The following RBM15B variants were observed in gnomAD, a reference collection of about 807,000 sequenced individuals.
RBM15B encodes putative RNA-binding protein 15B.
RBM15B carries 11 observed loss-of-function variants against 53.3 expected under a neutral mutation model. The ratio of observed to expected loss-of-function variants is 0.21; its 90% CI spans 0.13 to 0.34. The LOEUF (loss-of-function observed/expected upper bound fraction) is 0.34, where lower values mean the gene tolerates loss of function less well. Among genes scored for constraint, RBM15B ranks in the 10% least tolerant of loss-of-function variants. RBM15B has a pLI of 1.00. For synonymous variants in RBM15B, 631 were observed against 540.7 expected (o/e 1.17, Z -2.32); for missense variants, 1,136 against 1,250.3 (o/e 0.91, Z 1.38).
Position 51,391,556 on chromosome 3 carries a change from GCCCGCGACAAAC to G in RBM15B, c.164_175del (p.Asp55_Arg58del). The stretch of plus-strand genomic sequence containing the variant: ...CGCCAAGCACCCGGTTCCAGCGCGG[GCCCGCGACAAAC>G]CCCGCGGCAGCGGAAGCGGCGGGGG... On this transcript the variant is annotated inframe_deletion, in exon 1 of 1. Transcript: ENST00000563281. This position sits in a 1 kb window ranked among gnomAD's most constrained non-coding sequence, Gnocchi z 4.5. 1 of 1,179,710 alleles carries G rather than the reference GCCCGCGACAAAC, an allele frequency of 8.5e-7. No homozygotes were observed. 73.1% of individuals were successfully genotyped at this position (1,179,710 alleles called of 1,614,324 possible). A position where few individuals can be genotyped will look rare whatever the true frequency, so the allele number is the denominator to read the frequency against.
In RBM15B at chr3:51,394,080, C is replaced by G; in HGVS notation, c.*8C>G. ...GTCAGAGACACTGCCTAGCCCAAGC[C>G]TGTCTTTCCCAGCGTCATGTTTGTG... On this transcript the variant is annotated 3_prime_UTR_variant, in exon 1 of 1. Transcript: ENST00000563281. 1 of 1,415,718 alleles carries G rather than the reference C, an allele frequency of 7.1e-7. No individual in the cohort carries two copies. Among genetic ancestry groups the G allele is most frequent in the Non-Finnish European group, 9.3e-7 (1 of 1,080,698 alleles). 87.7% of individuals were successfully genotyped at this position (1,415,718 alleles called of 1,614,324 possible). A position where few individuals can be genotyped will look rare whatever the true frequency, so the allele number is the denominator to read the frequency against.
At position 51,391,287 on chromosome 3, in the gene RBM15B, G is replaced by C. The variant is rs1374618970; in HGVS notation, c.-113G>C. On this transcript the variant is annotated 5_prime_UTR_variant, in exon 1 of 1. Coordinates refer to ENST00000563281, the MANE Select transcript of RBM15B (RefSeq NM_013286.5). The surrounding 1 kb of genome is among the most constrained non-coding windows in gnomAD (Gnocchi z 4.5). Reference sequence around the variant, plus strand: ...CGCCCCGCCCCGCCGCCACCGCCGCGCCGAGTCCTTTTGTCCAAGATGGCG... The same window carrying C: ...CGCCCCGCCCCGCCGCCACCGCCGCCCCGAGTCCTTTTGTCCAAGATGGCG... 91 of 843,386 alleles carry C rather than the reference G, an allele frequency of 1.1e-4. No individual in the cohort carries two copies. Among genetic ancestry groups the C allele is most frequent in the Non-Finnish European group, 1.2e-4 (80 of 659,184 alleles). The allele number at this position is 843,386 out of a possible 1,614,324, so 52.2% of individuals were successfully genotyped here. A position where few individuals can be genotyped will look rare whatever the true frequency, so the allele number is the denominator to read the frequency against.
Position 51,393,236 on chromosome 3 carries a change from G to A in RBM15B, c.1837G>A (p.Glu613Lys). ...RGRTTHSPYE[E>K]RSRTKGSGQQ... ...GAGGACAACCCATTCACCATATGAG[G>A]AACGGAGTAGGACCAAGGGCAGTGG... Residue 613 changes from glutamate (E) to lysine (K), a missense_variant, in exon 1 of 1, where the codon GAA (glutamate) becomes AAA (lysine). By Grantham distance (56) the Glu-to-Lys change is moderately conservative. Coordinates refer to ENST00000563281, the MANE Select transcript of RBM15B (RefSeq NM_013286.5). This position sits in a 1 kb window ranked among gnomAD's most constrained non-coding sequence, Gnocchi z 5.6. The A allele has an allele frequency of 1.2e-6, 2 of 1,613,790 alleles. No homozygotes were observed. Among genetic ancestry groups the A allele is most frequent in the East Asian group, 2.2e-5 (1 of 44,860 alleles).
In RBM15B at chr3:51,391,512, C is replaced by T. The variant is rs1313315350; in HGVS notation, c.113C>T (p.Ala38Val). 4.1e-6 allele frequency: 5 copies of T among 1,205,508 alleles called. No individual in the cohort carries two copies. Among genetic ancestry groups the T allele is most frequent in the East Asian group, 7.2e-5 (2 of 27,898 alleles). The allele number at this position is 1,205,508 out of a possible 1,614,324, so 74.7% of individuals were successfully genotyped here. Residue 38 changes from alanine (A) to valine (V), a missense_variant, in exon 1 of 1, where the codon GCG becomes GTG. By Grantham distance (64) the Ala-to-Val change is moderately conservative. This residue lies in a region of RBM15B where 257 missense variants were observed against 261.1 expected (regional missense o/e 0.98). Transcript: ENST00000563281. This position sits in a 1 kb window ranked among gnomAD's most constrained non-coding sequence, Gnocchi z 4.5. ...REAEAGGRRA[A>V]HKASGGAKHP... ...GCGGAGGCGGGCGGGCGGCGGGCGG[C>T]GCACAAGGCCTCTGGCGGCGCCAAG...
Position 51,395,865 on chromosome 3 carries a change from AAGACATG to A in RBM15B, c.*1794_*1800del, listed in dbSNP as rs1559458444. 2.4e-6 allele frequency: 1 copy of A among 413,400 alleles called. No individual in the cohort carries two copies. Among genetic ancestry groups the A allele is most frequent in the African/African-American group, 2.1e-5 (1 of 48,618 alleles). 25.6% of individuals were successfully genotyped at this position (413,400 alleles called of 1,614,324 possible). A position where few individuals can be genotyped will look rare whatever the true frequency, so the allele number is the denominator to read the frequency against. Reference sequence around the variant, plus strand: ...ACGTTCATAACAAAACAGCAACACAAAGACATGTTAAGCATGTTTATTTATTTGCCTG... The same window carrying A: ...ACGTTCATAACAAAACAGCAACACAATTAAGCATGTTTATTTATTTGCCTG... On this transcript the variant is annotated 3_prime_UTR_variant, in exon 1 of 1. Coordinates refer to ENST00000563281, the MANE Select transcript of RBM15B (RefSeq NM_013286.5).
rs1217219067 is a variant in RBM15B, at chr3:51,392,749, C to T, written c.1350C>T (p.Val450=). Residue 450 remains valine, a synonymous_variant, in exon 1 of 1, where the codon GTC becomes GTT. Coordinates refer to ENST00000563281, the MANE Select transcript of RBM15B (RefSeq NM_013286.5). The surrounding 1 kb of genome is among the most constrained non-coding windows in gnomAD (Gnocchi z 7.5). ...RFGSIRTIDH[V]KGDSFAYIQY... ...GGAGCATTCGGACCATTGATCACGT[C>T]AAAGGAGATAGCTTTGCCTATATTC... 2 of 1,614,194 alleles carry T rather than the reference C, an allele frequency of 1.2e-6. No individual in the cohort carries two copies. The highest frequency in any genetic ancestry group is 1.3e-5 in the African/African-American group (1 of 75,076).
In RBM15B at chr3:51,396,550, G is replaced by A. The variant is rs1553623032; in HGVS notation, c.*2478G>A. On this transcript the variant is annotated 3_prime_UTR_variant, in exon 1 of 1. Coordinates refer to ENST00000563281, the MANE Select transcript of RBM15B (RefSeq NM_013286.5). ...TGCCCCCACCCAGGGTTCAGGCCCT[G>A]TCTAAGGTGTTGCTTAAAGACAAAA... The A allele has an allele frequency of 6.0e-6, 1 of 167,104 alleles. No homozygotes were observed. 10.4% of individuals were successfully genotyped at this position (167,104 alleles called of 1,614,324 possible).
rs1553622392 is a variant in RBM15B at position 51,395,114 on chromosome 3, T to G, written c.*1042T>G. The G allele has an allele frequency of 6.0e-6, 1 of 167,068 alleles. No homozygotes were observed. Among genetic ancestry groups the G allele is most frequent in the Admixed American group, 6.5e-5 (1 of 15,282 alleles). 10.3% of individuals were successfully genotyped at this position (167,068 alleles called of 1,614,324 possible). A position where few individuals can be genotyped will look rare whatever the true frequency, so the allele number is the denominator to read the frequency against. ...CCGTGTCCAGTCATACCTAGAGATT[T>G]GTGGGGGGATACTGAACCTCTAGAC... On this transcript the variant is annotated 3_prime_UTR_variant, in exon 1 of 1. Transcript: ENST00000563281.
Position 51,392,020 on chromosome 3 carries a change from C to G in RBM15B, c.621C>G (p.Leu207=). ...ACGCCCTGGCCCGGCAGCTGCTGCT[C>G]TACGACCGCCCGCTCAAGGTAGAGC... The part of the protein sequence containing the change: ...RQHALARQLL[L]YDRPLKVEPV... Residue 207 remains leucine, a synonymous_variant, in exon 1 of 1, where the codon CTC becomes CTG. Transcript: ENST00000563281. This position sits in a 1 kb window ranked among gnomAD's most constrained non-coding sequence, Gnocchi z 7.5. The G allele has an allele frequency of 6.3e-7, 1 of 1,598,032 alleles. No individual in the cohort carries two copies. The highest frequency in any genetic ancestry group is 8.5e-7 in the Non-Finnish European group (1 of 1,178,356).
Position 51,397,063 on chromosome 3 carries a change from G to C in RBM15B, c.*2991G>C, listed in dbSNP as rs1032582783. The C allele has an allele frequency of 2.4e-5, 4 of 167,066 alleles. No individual in the cohort carries two copies. The highest frequency in any genetic ancestry group is 9.7e-5 in the African/African-American group (4 of 41,428). 10.3% of individuals were successfully genotyped at this position (167,066 alleles called of 1,614,324 possible). A position where few individuals can be genotyped will look rare whatever the true frequency, so the allele number is the denominator to read the frequency against. ...CCCAGCAGGGCTTTACCTGCCCCTGGAGAGTTTTAGCCGTCTTGTGTTTCT... is the reference window on the plus strand; with the variant it reads ...CCCAGCAGGGCTTTACCTGCCCCTGCAGAGTTTTAGCCGTCTTGTGTTTCT... On this transcript the variant is annotated 3_prime_UTR_variant, in exon 1 of 1. Transcript: ENST00000563281.
rs2089038101 is a variant in RBM15B, at chr3:51,391,655, T to C, written c.256T>C (p.Ser86Pro). The part of the protein sequence containing the change: ...ANHRASSGRS[S>P]GSGAGGGGRG... ...TCACCGCGCGAGTAGCGGGCGCTCCTCGGGCTCCGGCGCTGGCGGCGGGGG... is the reference window on the plus strand; with the variant it reads ...TCACCGCGCGAGTAGCGGGCGCTCCCCGGGCTCCGGCGCTGGCGGCGGGGG... The change falls in exon 1 of 1, where the codon TCG (serine) becomes CCG (proline). Residue 86 changes from serine (S) to proline (P), a missense_variant. Physicochemically the swap from Ser to Pro is moderately conservative, Grantham distance 74. Transcript: ENST00000563281. The surrounding 1 kb of genome is among the most constrained non-coding windows in gnomAD (Gnocchi z 4.5). The C allele has an allele frequency of 1.7e-6, 2 of 1,200,236 alleles. No individual in the cohort carries two copies. Among genetic ancestry groups the C allele is most frequent in the African/African-American group, 3.2e-5 (2 of 62,542 alleles). 74.3% of individuals were successfully genotyped at this position (1,200,236 alleles called of 1,614,324 possible). A position where few individuals can be genotyped will look rare whatever the true frequency, so the allele number is the denominator to read the frequency against.
Position 51,391,843 on chromosome 3 carries a change from C to T in RBM15B, c.444C>T (p.Pro148=). 1.2e-6 allele frequency: 2 copies of T among 1,602,856 alleles called. No individual in the cohort carries two copies. Among genetic ancestry groups the T allele is most frequent in the Non-Finnish European group, 1.7e-6 (2 of 1,179,352 alleles). Residue 148 remains proline, a synonymous_variant, in exon 1 of 1, where the codon CCC becomes CCT. Transcript: ENST00000563281. This position sits in a 1 kb window ranked among gnomAD's most constrained non-coding sequence, Gnocchi z 4.5. ...YKTLLISSLS[P]ALPAEHLEDR... ...CGTTGCTCATCAGCAGCTTGAGCCC[C>T]GCGCTGCCCGCCGAGCACCTCGAGG...
rs1553621719 is a variant in RBM15B at position 51,392,253 on chromosome 3, C to T, written c.854C>T (p.Ala285Val). ...CCCCGTGCCCGTCACGCCGCCGCAG[C>T]CTTCGCCCTGGATGCCGCTGCTGCC... ...REPRARHAAA[A>V]FALDAAAAAA... Residue 285 changes from alanine to valine, a missense_variant, in exon 1 of 1, where the codon GCC (alanine) becomes GTC (valine). Ala to Val is a moderately conservative substitution (Grantham distance 64). Coordinates refer to ENST00000563281, the MANE Select transcript of RBM15B (RefSeq NM_013286.5). The surrounding 1 kb of genome is among the most constrained non-coding windows in gnomAD (Gnocchi z 7.5). The T allele has an allele frequency of 1.3e-6, 2 of 1,594,898 alleles. No individual in the cohort carries two copies. The highest frequency in any genetic ancestry group is 3.4e-5 in the Admixed American group (2 of 58,434).
Position 51,393,640 on chromosome 3 carries a change from C to T in RBM15B, c.2241C>T (p.Ile747=), listed in dbSNP as rs1489857327. 6 of 1,613,018 alleles carry T rather than the reference C, an allele frequency of 3.7e-6. No individual in the cohort carries two copies. Among genetic ancestry groups the T allele is most frequent in the Non-Finnish European group, 3.4e-6 (4 of 1,179,490 alleles). Residue 747 remains isoleucine, a synonymous_variant, in exon 1 of 1, where the codon ATC becomes ATT. Coordinates refer to ENST00000563281, the MANE Select transcript of RBM15B (RefSeq NM_013286.5). The surrounding 1 kb of genome is among the most constrained non-coding windows in gnomAD (Gnocchi z 5.6). The part of the protein sequence containing the change: ...MHILEGDQGV[I]SSLLKDHTSG... ...TCCTAGAGGGGGACCAGGGGGTGATCAGCAGTCTCCTCAAAGACCACACTT... is the reference window on the plus strand; with the variant it reads ...TCCTAGAGGGGGACCAGGGGGTGATTAGCAGTCTCCTCAAAGACCACACTT...
At position 51,393,467 on chromosome 3, in the gene RBM15B, A is replaced by C. The variant is rs782712843; in HGVS notation, c.2068A>C (p.Thr690Pro). ...AAGAGACAGCGAGCGCAATCACCGG[A>C]CCACAGAGGCCGAGCCCAAGCCTCT... is the stretch of plus-strand genomic sequence containing the variant. ...KARDSERNHRTTEAEPKPLEE... is the reference protein window; with the variant it reads ...KARDSERNHRPTEAEPKPLEE... The change falls in exon 1 of 1, where the codon ACC becomes CCC. Residue 690 changes from threonine to proline, a missense_variant. Coordinates refer to ENST00000563281, the MANE Select transcript of RBM15B (RefSeq NM_013286.5). The surrounding 1 kb of genome is among the most constrained non-coding windows in gnomAD (Gnocchi z 5.6). 8 of 1,613,800 alleles carry C rather than the reference A, an allele frequency of 5.0e-6. No homozygotes were observed. The highest frequency in any genetic ancestry group is 6.8e-6 in the Non-Finnish European group (8 of 1,179,956).
chr3:51,394,260 A>AAAC lies in RBM15B; in HGVS notation c.*189_*191dup, dbSNP rs2089097937. 1.4e-6 allele frequency: 1 copy of AAAC among 736,438 alleles called. No homozygotes were observed. The highest frequency in any genetic ancestry group is 1.9e-6 in the Non-Finnish European group (1 of 527,006). The allele number at this position is 736,438 out of a possible 1,614,324, so 45.6% of individuals were successfully genotyped here. A position where few individuals can be genotyped will look rare whatever the true frequency, so the allele number is the denominator to read the frequency against. ...TAGATTTTGGGGGATTTTTTTTTTT[A>AAAC]AACGATGAGAAGGGAATCCGGTTAT... On this transcript the variant is annotated 3_prime_UTR_variant, in exon 1 of 1. Transcript: ENST00000563281.
At position 51,391,753 on chromosome 3, in the gene RBM15B, T is replaced by G. The variant is rs782113843; in HGVS notation, c.354T>G (p.Pro118=). ...MSPRASPLPP[P]PPPPGAEPAC... is the part of the protein sequence containing the mutation. ...CCCGCGCGTCTCCTCTGCCGCCGCCTCCGCCACCGCCTGGGGCCGAGCCCG... is the reference window on the plus strand; with the variant it reads ...CCCGCGCGTCTCCTCTGCCGCCGCCGCCGCCACCGCCTGGGGCCGAGCCCG... Residue 118 remains proline, a synonymous_variant, in exon 1 of 1, where the codon CCT becomes CCG. Coordinates refer to ENST00000563281, the MANE Select transcript of RBM15B (RefSeq NM_013286.5). This position sits in a 1 kb window ranked among gnomAD's most constrained non-coding sequence, Gnocchi z 4.5. The G allele has an allele frequency of 1.9e-6, 3 of 1,548,404 alleles. No homozygotes were observed. The highest frequency in any genetic ancestry group is 1.4e-5 in the African/African-American group (1 of 70,128).
chr3:51,392,230 C>T lies in RBM15B; in HGVS notation c.831C>T (p.Pro277=). The part of the protein sequence containing the change: ...SPVAAPPLRE[P]RARHAAAAFA... ...TCGCTGCCCCGCCCCTGCGGGAGCC[C>T]CGTGCCCGTCACGCCGCCGCAGCCT... is the stretch of plus-strand genomic sequence containing the variant. The change falls in exon 1 of 1, where the codon CCC becomes CCT. Residue 277 remains proline, a synonymous_variant. Transcript: ENST00000563281. The surrounding 1 kb of genome is among the most constrained non-coding windows in gnomAD (Gnocchi z 7.5). 1.3e-6 allele frequency: 2 copies of T among 1,565,962 alleles called. No homozygotes were observed. Among genetic ancestry groups the T allele is most frequent in the Admixed American group, 1.9e-5 (1 of 53,698 alleles).
Position 51,393,530 on chromosome 3 carries a change from C to T in RBM15B, c.2131C>T (p.Leu711Phe), listed in dbSNP as rs1553621992. Residue 711 changes from leucine (L) to phenylalanine (F), a missense_variant, in exon 1 of 1, where the codon CTT becomes TTT. Coordinates refer to ENST00000563281, the MANE Select transcript of RBM15B (RefSeq NM_013286.5). This position sits in a 1 kb window ranked among gnomAD's most constrained non-coding sequence, Gnocchi z 5.6. ...ACACGAGACCAAAAAGCTGAAGAAT[C>T]TTTCAGAGTACGCTCAGACACTACA... ...PKHETKKLKN[L>F]SEYAQTLQLG... 1.3e-5 allele frequency: 21 copies of T among 1,614,098 alleles called. No individual in the cohort carries two copies. The highest frequency in any genetic ancestry group is 1.7e-5 in the Non-Finnish European group (20 of 1,180,054).
Sources: gnomAD v4.1 joint callset for allele counts on GRCh38, gnomAD v4.1.1 for gene constraint, gnomAD v4.1.1 regional missense constraint, Gnocchi (gnomAD v3.1) non-coding constraint, MANE v1.5 for transcripts, NCBI Gene and HGNC (gene_info 2026-07-23, HGNC 2026-07-21) for gene names.